The following CDH12 variants were observed in gnomAD, a reference collection of about 807,000 sequenced individuals.
The protein encoded by CDH12 is cadherin 12.
Under a neutral mutation model 74.1 loss-of-function variants are expected in CDH12, and 41 were observed. That is an observed-to-expected ratio of 0.55 (90% CI 0.43 to 0.72). The LOEUF (loss-of-function observed/expected upper bound fraction) is 0.72, where lower values mean the gene tolerates loss of function less well. CDH12 is among the 30% of genes least tolerant of loss of function. The pLI is 0.00. For synonymous variants in CDH12, 399 were observed against 355.0 expected, an observed-to-expected ratio of 1.12 and a Z score of -1.39; for missense variants, 945 against 977.2, an observed-to-expected ratio of 0.97 and a Z score of 0.44.
intron 1 of CDH12, among the ~76,000 whole-genome samples, chr5:22,790,825 G>A (rs1747870598): frequency 6.6e-6 from 1 of 152,110 alleles, no homozygotes; most frequent in African/African-American, 2.4e-5. Flanking sequence ...TATTGGGATT[G>A]AGCAAGAAGG....
intron 2 of CDH12, among the ~76,000 whole-genome samples, chr5:22,446,222 G>T (rs1744810285): frequency 1.3e-5 from 2 of 152,048 alleles, no homozygotes; most frequent in Admixed American, 1.3e-4. Flanking sequence ...CACCAAAGCT[G>T]CTCTCTCTAG....
At chr5:21,781,656 G>A (rs1162866841) in intron 11 of CDH12, among the ~76,000 whole-genome samples, 3 of 151,930 alleles carry the variant, frequency 2.0e-5, no homozygotes, top group East Asian at 1.9e-4. Flanking sequence ...CCCAGAAGGC[G>A]GAGGTTGCGG....
intron 2 of CDH12, among the ~76,000 whole-genome samples, chr5:22,477,299 C>T (rs922892885): frequency 6.6e-6 from 1 of 152,154 alleles, no homozygotes; most frequent in Non-Finnish European, 1.5e-5. Flanking sequence ...TATATGTTCT[C>T]ATCATTTAGC....
chr5:22,445,993 A>G (rs1350653666), intron 2 of CDH12, among the ~76,000 whole-genome samples: 1 of 152,072 alleles, frequency 6.6e-6, no homozygotes, highest in Non-Finnish European at 1.5e-5. Context: ...GCCTCCCTCA[A>G]ATGATCCATC....
chr5:22,188,656 G>T, intron 4 of CDH12, among the ~76,000 whole-genome samples: 1 of 152,268 alleles, frequency 6.6e-6, no homozygotes, highest in East Asian at 1.9e-4. Flanking sequence ...CAAATGTCCT[G>T]TGCCTATTAG....
intron 8 of CDH12, among the ~76,000 whole-genome samples, chr5:21,835,926 T>C (rs991380047): frequency 4.0e-5 from 6 of 151,836 alleles, no homozygotes. Context: ...GGACATCTTG[T>C]AGTCCTTCTA....
chr5:22,059,789 T>A (rs1741059005), intron 5 of CDH12, among the ~76,000 whole-genome samples: 1 of 152,162 alleles, frequency 6.6e-6, no homozygotes. Context: ...TGTATAAACT[T>A]TCCACTCCTT....
chr5:22,852,412 C>T (rs773502574), intron 1 of CDH12, among the ~76,000 whole-genome samples: 5 of 152,104 alleles, frequency 3.3e-5, no homozygotes, highest in Non-Finnish European at 5.9e-5. Context: ...AAATGTATCA[C>T]CAAATGATCA....
At chr5:22,424,022 A>G (rs1342762065) in intron 2 of CDH12, among the ~76,000 whole-genome samples, 6 of 149,456 alleles carry the variant, frequency 4.0e-5, no homozygotes, top group Admixed American at 6.7e-5. Flanking sequence ...AAAAAAAAAA[A>G]AAAAAGAAAA....
chr5:21,992,741 T>C (rs1757805547), intron 5 of CDH12, among the ~76,000 whole-genome samples: 1 of 152,176 alleles, frequency 6.6e-6, no homozygotes, highest in Admixed American at 6.5e-5. Context: ...ACAGAACTTA[T>C]AAACGGAATT....
At chr5:22,122,974 C>G (rs182078922) in intron 4 of CDH12, among the ~76,000 whole-genome samples, 1 of 152,186 alleles carries the variant, frequency 6.6e-6, no homozygotes, top group Non-Finnish European at 1.5e-5. Flanking sequence ...TCTTGGGTCT[C>G]TAGCCTGACA....
chr5:22,701,152 G>C (rs550256555), intron 1 of CDH12, among the ~76,000 whole-genome samples: 1 of 152,086 alleles, frequency 6.6e-6, no homozygotes, highest in Admixed American at 6.6e-5. Flanking sequence ...CCACCTTAGA[G>C]GCTCCTTTGG....
intron 4 of CDH12, among the ~76,000 whole-genome samples, chr5:22,158,021 C>A (rs1470763759): frequency 6.6e-6 from 1 of 151,868 alleles, no homozygotes; most frequent in East Asian, 1.9e-4. Context: ...TTACAATTCA[C>A]TATGTGTACT....
intron 5 of CDH12, among the ~76,000 whole-genome samples, chr5:21,987,920 G>C (rs1757582722): frequency 1.3e-5 from 2 of 151,082 alleles, no homozygotes; most frequent in South Asian, 4.2e-4. Flanking sequence ...TCATCAGAAA[G>C]GGAAAAAAAA....
chr5:22,674,651 C>T (rs1259832574), intron 1 of CDH12, among the ~76,000 whole-genome samples: 2 of 152,080 alleles, frequency 1.3e-5, no homozygotes, highest in African/African-American at 4.8e-5. Context: ...GTTTGGAACT[C>T]CCTAGAGACT....
chr5:22,029,544 A>C (rs1274743031), intron 5 of CDH12, among the ~76,000 whole-genome samples: 2 of 151,944 alleles, frequency 1.3e-5, no homozygotes, highest in Admixed American at 1.3e-4. Context: ...AGAGAAATGC[A>C]AATCAAAACC....
In CDH12 at chr5:22,078,605, T is replaced by C. The variant is rs757759599; in HGVS notation, c.72A>G (p.Gln24=). Reference sequence around the variant, plus strand: ...TGGCTAAAGTCTGCTGTGGCTGTGGTTGTAGTGGTGTTAGGAGACCTCCAT... The same window carrying C: ...TGGCTAAAGTCTGCTGTGGCTGTGGCTGTAGTGGTGTTAGGAGACCTCCAT... The part of the protein sequence containing the change: ...LFDGGLLTPL[Q]PQPQQTLATE... Residue 24 remains glutamine, a synonymous_variant, in exon 5 of 15, where the codon CAA becomes CAG. Transcript: ENST00000382254. 6.2e-7 allele frequency: 1 copy of C among 1,613,888 alleles called. No homozygotes were observed. The highest frequency in any genetic ancestry group is 1.7e-5 in the Admixed American group (1 of 59,984).
intron 3 of CDH12, among the ~76,000 whole-genome samples, chr5:22,349,038 T>A (rs1013331191): frequency 2.0e-5 from 3 of 152,138 alleles, no homozygotes; most frequent in Non-Finnish European, 4.4e-5. Flanking sequence ...TCCTCATGAA[T>A]GGGATGAGTG....
chr5:21,856,540 C>G (rs943732714), intron 6 of CDH12, among the ~76,000 whole-genome samples: 2 of 151,616 alleles, frequency 1.3e-5, no homozygotes, highest in Admixed American at 6.6e-5. Context: ...ATAAAATTTG[C>G]CAAACTAATA....
Sources: allele counts gnomAD v4.1 joint callset (sites outside exome capture counted in the v4.1 genomes callset), GRCh38; gene constraint gnomAD v4.1.1; transcripts MANE v1.5; gene names NCBI Gene and HGNC (gene_info 2026-07-23, HGNC 2026-07-21).